AK4: variants seen among roughly 807,000 people sequenced by gnomAD.
The protein encoded by AK4 is adenylate kinase 4, also known as adenylate kinase 4, mitochondrial.
A neutral mutation model predicts 24.6 loss-of-function variants in AK4; 13 were observed. The observed-to-expected ratio is 0.53, with a 90% confidence interval of 0.34 to 0.84. The LOEUF is 0.84. Among genes scored for constraint, AK4 ranks in the 40% least tolerant of loss-of-function variants. AK4 has a pLI of 0.01. For synonymous variants in AK4, 88 were observed against 107.0 expected (o/e 0.82, Z 1.10); for missense variants, 192 against 288.2 (o/e 0.67, Z 2.42).
At chr1:65,187,103 T>A (rs955035909) in intron 1 of AK4, among the ~76,000 whole-genome samples, 1 of 151,826 alleles carries the variant, frequency 6.6e-6, no homozygotes. Flanking sequence ...CTCACGCTTG[T>A]AATCCCAGCA....
intron 3 of AK4, among the ~76,000 whole-genome samples, chr1:65,220,022 C>A (rs1156489070): frequency 6.6e-6 from 1 of 152,168 alleles, no homozygotes; most frequent in African/African-American, 2.4e-5. Context: ...AGACTTGGCT[C>A]CTTTCACTTA....
At chr1:65,198,876 A>G (rs1651570765) in intron 2 of AK4, among the ~76,000 whole-genome samples, 1 of 151,890 alleles carries the variant, frequency 6.6e-6, no homozygotes, top group Non-Finnish European at 1.5e-5. Flanking sequence ...CAGGAGTTTG[A>G]GACCAGCCTG....
chr1:65,185,622 ATC>A (rs1220684108), intron 1 of AK4, among the ~76,000 whole-genome samples: 1 of 134,722 alleles, frequency 7.4e-6, no homozygotes, highest in Non-Finnish European at 1.5e-5. Flanking sequence ...GAATATGACC[ATC>A]TTTTTTTTTT....
At chr1:65,221,761 C>T (rs1570146121) in intron 3 of AK4, among the ~76,000 whole-genome samples, 1 of 152,336 alleles carries the variant, frequency 6.6e-6, no homozygotes, top group East Asian at 1.9e-4. Flanking sequence ...ATTTGAAAAG[C>T]CTTACCACTG....
chr1:65,190,567 T>A lies in AK4; in HGVS notation c.146-143T>A, dbSNP rs1421074642. 21 of 941,808 alleles carry A rather than the reference T, an allele frequency of 2.2e-5. No homozygotes were observed. In the East Asian group the frequency reaches 5.6e-4, roughly 25 times the overall value. 58.3% of individuals were successfully genotyped at this position (941,808 alleles called of 1,614,324 possible). On this transcript the variant is annotated intron_variant, in intron 1 of 4. Coordinates refer to ENST00000327299, the MANE Select transcript of AK4 (RefSeq NM_013410.4). ...TCCCACCTTATTGACGTGAATATTTTAAAAACTTAAAACATGTCTACAACT... is the reference window on the plus strand; with the variant it reads ...TCCCACCTTATTGACGTGAATATTTAAAAAACTTAAAACATGTCTACAACT...
intron 2 of AK4, among the ~76,000 whole-genome samples, chr1:65,192,536 C>T (rs1429643541): frequency 6.6e-6 from 1 of 152,184 alleles, no homozygotes; most frequent in Non-Finnish European, 1.5e-5. Flanking sequence ...TCCAAAACAA[C>T]TCGTGTCCTT....
intron 2 of AK4, among the ~76,000 whole-genome samples, chr1:65,210,116 G>A (rs927452910): frequency 2.0e-5 from 3 of 152,184 alleles, no homozygotes; most frequent in Admixed American, 2.0e-4. Context: ...TATTTTAAAA[G>A]TCTTGTAGAT....
intron 1 of AK4, 126 bp downstream of exon 1, chr1:65,148,678 C>A (rs905991017): frequency 7.7e-6 from 10 of 1,290,986 alleles, no homozygotes; most frequent in Middle Eastern, 3.0e-4. Context: ...CAGGCTCGTA[C>A]GTGCCGGGGC....
intron 2 of AK4, among the ~76,000 whole-genome samples, chr1:65,204,719 G>A (rs1419484588): frequency 4.6e-5 from 7 of 152,162 alleles, no homozygotes; most frequent in African/African-American, 1.7e-4. Context: ...AGTGAACCCT[G>A]AGGGAACTTA....
At position 65,223,890 on chromosome 1, in the gene AK4, G is replaced by A. The variant is rs1275064806; in HGVS notation, c.439-862G>A. Among the ~76,000 whole-genome samples the A allele has an allele frequency of 3.3e-5, 5 of 152,174 alleles. No individual in the cohort carries two copies. The East Asian group carries it at 7.8e-4, about 24-fold the overall frequency. On this transcript the variant is annotated intron_variant, in intron 3 of 4. Transcript: ENST00000327299. ...CAGGCACCTGTAATCCCACCTGTTC[G>A]GCTGAGGCAGGAGAATCACTTGAAC...
At chr1:65,188,300 C>T (rs551689709) in intron 1 of AK4, among the ~76,000 whole-genome samples, 1 of 152,028 alleles carries the variant, frequency 6.6e-6, no homozygotes, top group South Asian at 2.1e-4. Context: ...GAGGCTGGGG[C>T]AGGAGAATCG....
chr1:65,202,351 C>T (rs1483543044), intron 2 of AK4, among the ~76,000 whole-genome samples: 6 of 152,098 alleles, frequency 3.9e-5, no homozygotes, highest in African/African-American at 9.7e-5. Context: ...GAGCTGAGAT[C>T]GCGCCACTGC....
At position 65,148,366 on chromosome 1, in the gene AK4, G is replaced by A. The variant is rs761047604; in HGVS notation, c.-42G>A. On this transcript the variant is annotated 5_prime_UTR_variant, in exon 1 of 5. Coordinates refer to ENST00000327299, the MANE Select transcript of AK4 (RefSeq NM_013410.4). ...TCCCGGGGCTTCCTCCGGGGCCGCGGTCGGGGCTGCGCGTTTGACCGCCCC... is the reference window on the plus strand; with the variant it reads ...TCCCGGGGCTTCCTCCGGGGCCGCGATCGGGGCTGCGCGTTTGACCGCCCC... 6 of 1,513,034 alleles carry A rather than the reference G, an allele frequency of 4.0e-6. No homozygotes were observed. The highest frequency in any genetic ancestry group is 1.4e-5 in the African/African-American group (1 of 70,210). The allele number at this position is 1,513,034 out of a possible 1,614,324, so 93.7% of individuals were successfully genotyped here.
chr1:65,188,110 G>T (rs1430029844), intron 1 of AK4, among the ~76,000 whole-genome samples: 1 of 152,084 alleles, frequency 6.6e-6, no homozygotes, highest in Non-Finnish European at 1.5e-5. Context: ...GTGAAAGTGG[G>T]GAGGCCAGGC....
chr1:65,223,108 C>G (rs1321489280), intron 3 of AK4, among the ~76,000 whole-genome samples: 1 of 151,334 alleles, frequency 6.6e-6, no homozygotes, highest in African/African-American at 2.4e-5. Flanking sequence ...TTTAAATATT[C>G]TAATTCATGC....
intron 1 of AK4, among the ~76,000 whole-genome samples, chr1:65,148,819 C>T (rs1406632087): frequency 6.6e-6 from 1 of 152,066 alleles, no homozygotes; most frequent in Non-Finnish European, 1.5e-5. Flanking sequence ...CCGAGCCACC[C>T]GGCCGAGGGA....
chr1:65,225,305 A>T (rs981495929), intron 4 of AK4, among the ~76,000 whole-genome samples: 1 of 152,172 alleles, frequency 6.6e-6, no homozygotes, highest in Non-Finnish European at 1.5e-5. Flanking sequence ...TAAACCAGAG[A>T]TTAAAAATTC....
intron 1 of AK4, among the ~76,000 whole-genome samples, chr1:65,160,076 C>G (rs72677675): frequency 0.015 from 2,266 of 151,650 alleles, 20 homozygotes; most frequent in Middle Eastern, 0.034. Context: ...AGCGTTCAAA[C>G]CTGGGGCTCC....
chr1:65,189,467 A>G (rs184034040), intron 1 of AK4, among the ~76,000 whole-genome samples: 241 of 151,148 alleles, frequency 1.6e-3, no homozygotes, highest in African/African-American at 5.5e-3. Context: ...TAGTAGAGAC[A>G]GGGTTTCTCC....
Sources: allele counts gnomAD v4.1 joint callset (sites outside exome capture counted in the v4.1 genomes callset), GRCh38; gene constraint gnomAD v4.1.1; transcripts MANE v1.5; gene names NCBI Gene and HGNC (gene_info 2026-07-23, HGNC 2026-07-21).